Variants in ERG observed in about 807,000 individuals in gnomAD.
The protein encoded by ERG is transcriptional regulator ERG.
A neutral mutation model predicts 55.3 loss-of-function variants in ERG; 9 were observed. The observed-to-expected ratio is 0.16, with a 90% CI of 0.10 to 0.28. The LOEUF is 0.28. Ranked by LOEUF, ERG falls within the 10% of genes least tolerant of loss-of-function variation. The pLI, the probability that ERG is intolerant of heterozygous loss-of-function variation, is 1.00. For missense variants in ERG, 434 were observed against 631.6 expected (o/e 0.69, Z 3.35); for synonymous variants, 223 against 237.3 (o/e 0.94, Z 0.55).
In ERG at chr21:38,600,353, G is replaced by A. The variant is rs1417779165; in HGVS notation, c.-149-15408C>T. Among the ~76,000 whole-genome samples the A allele has an allele frequency of 2.0e-5, 3 of 152,218 alleles. No individual in the cohort carries two copies. The East Asian group carries it at 5.8e-4, about 29-fold the overall frequency. ...GTCCAGCTCTACGTAGATTTCTGTA[G>A]CTGGGGTCCCATTTTCCTTCAAGGT... On this transcript the variant is annotated intron_variant, in intron 1 of 10. Transcript: ENST00000398910.
intron 1 of ERG, among the ~76,000 whole-genome samples, chr21:38,654,812 C>A (rs1209801771): frequency 6.6e-6 from 1 of 152,170 alleles, no homozygotes; most frequent in African/African-American, 2.4e-5. Flanking sequence ...AAAAAGCAAG[C>A]CTTGCACAAG....
At chr21:38,505,527 T>C (rs1481441862) in intron 2 of ERG, among the ~76,000 whole-genome samples, 1 of 152,220 alleles carries the variant, frequency 6.6e-6, no homozygotes, top group African/African-American at 2.4e-5. Context: ...AGTAAATTTG[T>C]TGTTGTCATC....
intron 1 of ERG, among the ~76,000 whole-genome samples, chr21:38,577,764 C>T (rs1267899855): frequency 6.6e-6 from 1 of 152,226 alleles, no homozygotes; most frequent in Non-Finnish European, 1.5e-5. Flanking sequence ...ACTGCACAAC[C>T]CTGCTCTGGG....
Position 38,472,960 on chromosome 21 carries a change from G to A in ERG, c.18+25403C>T, listed in dbSNP as rs1026740240. 1.1e-4 allele frequency among the ~76,000 whole-genome samples: 17 copies of A among 152,116 alleles called. 2 individuals carry two copies. Among genetic ancestry groups the A allele is most frequent in the Admixed American group, 9.8e-4 (15 of 15,280 alleles). On this transcript the variant is annotated intron_variant, in intron 1 of 9. Coordinates refer to ENST00000288319, the MANE Select transcript of ERG (RefSeq NM_182918.4). The stretch of plus-strand genomic sequence containing the variant: ...GCAGCCCATCTCGGCCCTTGAGCTT[G>A]GCTCCTCGGCTGACCTCGGCTCCCC...
At chr21:38,576,453 G>C (rs1455089780) in intron 1 of ERG, among the ~76,000 whole-genome samples, 1 of 152,160 alleles carries the variant, frequency 6.6e-6, no homozygotes, top group Non-Finnish European at 1.5e-5. Context: ...GACTTAATTA[G>C]CAGGTATCAA....
intron 2 of ERG, among the ~76,000 whole-genome samples, chr21:38,532,229 G>T (rs2059677464): frequency 6.6e-6 from 1 of 152,154 alleles, no homozygotes; most frequent in Non-Finnish European, 1.5e-5. Flanking sequence ...GTTTCAACAA[G>T]ATAAACTGTT....
At chr21:38,431,085 C>T (rs899167413) in intron 2 of ERG, among the ~76,000 whole-genome samples, 3 of 152,194 alleles carry the variant, frequency 2.0e-5, no homozygotes, top group African/African-American at 7.2e-5. Context: ...AAGTTCTAAT[C>T]ATTTAAAATC....
chr21:38,659,837 A>G (rs995618542), intron 1 of ERG, among the ~76,000 whole-genome samples: 5 of 152,376 alleles, frequency 3.3e-5, no homozygotes, highest in Non-Finnish European at 7.3e-5. Context: ...GCCTCTATGC[A>G]TCTATGCAAC....
intron 2 of ERG, among the ~76,000 whole-genome samples, chr21:38,554,311 C>A (rs1366542330): frequency 6.6e-6 from 1 of 152,160 alleles, no homozygotes; most frequent in African/African-American, 2.4e-5. Context: ...ACCATTCAAC[C>A]CAATAATCCC....
chr21:38,571,761 C>A (rs2059959335), intron 2 of ERG, among the ~76,000 whole-genome samples: 1 of 152,066 alleles, frequency 6.6e-6, no homozygotes, highest in Non-Finnish European at 1.5e-5. Flanking sequence ...TTGTTTCCAG[C>A]TCCTTAAACA....
At chr21:38,601,436 AT>A (rs980141609) in intron 1 of ERG, among the ~76,000 whole-genome samples, 2 of 152,194 alleles carry the variant, frequency 1.3e-5, no homozygotes, top group African/African-American at 2.4e-5. Context: ...GAAAAAAAAA[AT>A]CATACAGAGA....
intron 1 of ERG, among the ~76,000 whole-genome samples, chr21:38,617,338 A>G (rs2060264900): frequency 1.3e-5 from 2 of 152,136 alleles, no homozygotes; most frequent in South Asian, 4.2e-4. Flanking sequence ...ACCATAACAG[A>G]TCCAAAATGG....
intron 1 of ERG, among the ~76,000 whole-genome samples, chr21:38,615,650 T>C (rs1393560078): frequency 6.7e-6 from 1 of 150,156 alleles, no homozygotes; most frequent in African/African-American, 2.5e-5. Flanking sequence ...TGTAGAAGCA[T>C]AGAATAAATG....
chr21:38,545,035 G>A (rs746058061), intron 2 of ERG, among the ~76,000 whole-genome samples: 15 of 152,070 alleles, frequency 9.9e-5, no homozygotes, highest in African/African-American at 2.4e-4. Flanking sequence ...AAAAGCATGC[G>A]GCTAATACTG....
intron 1 of ERG, among the ~76,000 whole-genome samples, chr21:38,634,933 G>A (rs1387282681): frequency 6.6e-6 from 1 of 152,204 alleles, no homozygotes; most frequent in Non-Finnish European, 1.5e-5. Context: ...GATAAACAAA[G>A]TGTGGCACAT....
At chr21:38,486,620 CA>C (rs899967342) in intron 1 of ERG, among the ~76,000 whole-genome samples, 3 of 151,710 alleles carry the variant, frequency 2.0e-5, no homozygotes, top group African/African-American at 7.3e-5. Flanking sequence ...TTGATTACTT[CA>C]AAAAAACAAT....
upstream of ERG, among the ~76,000 whole-genome samples, chr21:38,585,805 C>T (rs1043619172): frequency 1.3e-4 from 20 of 151,910 alleles, no homozygotes; most frequent in Admixed American, 2.0e-4. Flanking sequence ...GCCAACTCCA[C>T]CTGAAGTCTT....
chr21:38,465,580 G>T (rs904533296), intron 1 of ERG, among the ~76,000 whole-genome samples: 2 of 152,152 alleles, frequency 1.3e-5, no homozygotes, highest in Non-Finnish European at 2.9e-5. Context: ...TGTCAATATA[G>T]GTTCATCAAC....
chr21:38,476,558 C>T (rs2059189705), intron 1 of ERG, among the ~76,000 whole-genome samples: 1 of 152,182 alleles, frequency 6.6e-6, no homozygotes. Flanking sequence ...AAAGGGAAGT[C>T]TTGTCGGAAA....
Sources: allele counts gnomAD v4.1 joint callset (sites outside exome capture counted in the v4.1 genomes callset), GRCh38; gene constraint gnomAD v4.1.1; transcripts MANE v1.5; gene names NCBI Gene and HGNC (gene_info 2026-07-23, HGNC 2026-07-21).